The following NLRP12 variants were observed in gnomAD, a reference collection of about 807,000 sequenced individuals.
The protein encoded by NLRP12 is NLR family pyrin domain containing 12, also known as NACHT, LRR and PYD domains-containing protein 12.
NLRP12 carries 108 observed loss-of-function variants against 91.2 expected under a neutral mutation model. That is an observed-to-expected ratio of 1.18 (90% CI 1.01 to 1.39). The LOEUF (loss-of-function observed/expected upper bound fraction) is 1.39. Ranked by LOEUF, NLRP12 falls within the 40% of genes most tolerant of loss-of-function variation. NLRP12 has a pLI of 0.00. For synonymous variants in NLRP12, 613 were observed against 566.7 expected, an observed-to-expected ratio of 1.08 and a Z score of -1.16; for missense variants, 1,530 against 1,352.7, an observed-to-expected ratio of 1.13 and a Z score of -2.06.
At position 53,811,293 on chromosome 19, in the gene NLRP12, G is replaced by T. The variant is rs776306693; in HGVS notation, c.371-5C>A. On this transcript the variant is annotated splice_region_variant and splice_polypyrimidine_tract_variant and intron_variant, in intron 2 of 9. Coordinates refer to ENST00000324134, the MANE Select transcript of NLRP12 (RefSeq NM_144687.4). ...CCCTGTAGGTTTCCTGGGGATCTAG[G>T]GGAGAGGAATGAAGGTTTTGTGGAA... The T allele has an allele frequency of 1.2e-6, 2 of 1,613,534 alleles. No homozygotes were observed. Among genetic ancestry groups the T allele is most frequent in the African/African-American group, 1.3e-5 (1 of 74,890 alleles).
chr19:53,805,535 T>C (rs2091945454), intron 4 of NLRP12, 85 bp from the exon 5 acceptor site: 2 of 1,481,826 alleles, frequency 1.3e-6, no homozygotes, highest in Middle Eastern at 2.2e-4. Context: ...TTTTTTTTTT[T>C]CTGAGACAGA....
rs766035651 is a variant in NLRP12 at position 53,810,537 on chromosome 19, G to T, written c.1122C>A (p.Phe374Leu). ...GCTCTGCATTGTGGAAATACTTGTAGAAGTATTCCTTCCTTTCTGCCTCAG... is the reference window on the plus strand; with the variant it reads ...GCTCTGCATTGTGGAAATACTTGTATAAGTATTCCTTCCTTTCTGCCTCAG... The part of the protein sequence containing the change: ...GFSEAERKEY[F>L]YKYFHNAEQA... Residue 374 changes from phenylalanine to leucine, a missense_variant, in exon 3 of 10, where the codon TTC (phenylalanine) becomes TTA (leucine). Phe to Leu is a conservative substitution (Grantham distance 22). Transcript: ENST00000324134. 1.9e-6 allele frequency: 3 copies of T among 1,614,116 alleles called. No individual in the cohort carries two copies. The East Asian group carries it at 6.7e-5, about 36-fold the overall frequency.
chr19:53,807,376 CTTT>C (rs1300623330), intron 4 of NLRP12, 116 bp downstream of exon 4: 4 of 1,066,878 alleles, frequency 3.7e-6, no homozygotes, highest in Admixed American at 4.5e-5. Context: ...CTTTGTGACA[CTTT>C]TTTATGGCAG....
At chr19:53,796,420 TG>T (rs2091761574) in intron 8 of NLRP12, among the ~76,000 whole-genome samples, 1 of 78,246 alleles carries the variant, frequency 1.3e-5, no homozygotes, top group East Asian at 2.7e-4. Flanking sequence ...CCCAACTAAT[TG>T]TTGTATTAGT....
chr19:53,810,821 G>C lies in NLRP12; in HGVS notation c.838C>G (p.Gln280Glu), dbSNP rs145049569. 6.2e-6 allele frequency: 10 copies of C among 1,614,024 alleles called. No individual in the cohort carries two copies. The highest frequency in any genetic ancestry group is 4.0e-5 in the African/African-American group (3 of 74,950). ...SCWPEPSAPL[Q>E]ELIRVPERLL... The stretch of plus-strand genomic sequence containing the variant: ...CGCTCGGGAACTCGGATGAGCTCCT[G>C]GAGAGGCGCGCTGGGCTCAGGCCAG... Residue 280 changes from glutamine to glutamate, a missense_variant, in exon 3 of 10, where the codon CAG becomes GAG. Transcript: ENST00000324134.
intron 7 of NLRP12, among the ~76,000 whole-genome samples, chr19:53,800,922 C>T (rs1368530086): frequency 6.6e-6 from 1 of 151,912 alleles, no homozygotes; most frequent in East Asian, 1.9e-4. Context: ...AGGCTGGGTG[C>T]AGTGGCTCAA....
intron 9 of NLRP12, 28 bp downstream of exon 9, chr19:53,795,831 C>T (rs760236504): frequency 3.7e-6 from 6 of 1,611,842 alleles, no homozygotes; most frequent in Non-Finnish European, 5.1e-6. Flanking sequence ...CCAGCCTCCT[C>T]CAGAAAGAAC....
intron 6 of NLRP12, 73 bp downstream of exon 6, chr19:53,803,879 A>C: frequency 6.8e-7 from 1 of 1,476,032 alleles, no homozygotes; most frequent in Admixed American, 1.7e-5. Flanking sequence ...CGACCTGTGG[A>C]TGCATTTTTA....
intron 3 of NLRP12, 55 bp downstream of exon 3, chr19:53,809,532 A>AAAAAAC: frequency 7.1e-7 from 1 of 1,399,042 alleles, no homozygotes; most frequent in Non-Finnish European, 9.6e-7. Flanking sequence ...AAAAAAAAAA[A>AAAAAAC]AAAAAAAAAC....
In NLRP12 at chr19:53,810,198, G is replaced by A. The variant is rs555808644; in HGVS notation, c.1461C>T (p.Asp487=). 9 of 1,614,064 alleles carry A rather than the reference G, an allele frequency of 5.6e-6. No homozygotes were observed. The highest frequency in any genetic ancestry group is 4.0e-5 in the African/African-American group (3 of 74,936). ...TGAGGAAGGCAGAGACGTCTTCCCC[G>A]TCTAGGCCGTGCTTCCGGAGGTCCT... The part of the protein sequence containing the change: ...EEQDLRKHGL[D]GEDVSAFLNM... Residue 487 remains aspartate (D), a synonymous_variant, in exon 3 of 10, where the codon GAC becomes GAT. Coordinates refer to ENST00000324134, the MANE Select transcript of NLRP12 (RefSeq NM_144687.4).
At chr19:53,806,638 G>A (rs1018363136) in intron 4 of NLRP12, among the ~76,000 whole-genome samples, 5 of 129,002 alleles carry the variant, frequency 3.9e-5, no homozygotes, top group Admixed American at 1.0e-4. Context: ...CCGAGATCAC[G>A]CTACTGCACT....
Position 53,824,180 on chromosome 19 carries a change from T to C in NLRP12, c.-6A>G, listed in dbSNP as rs201272274. On this transcript the variant is annotated 5_prime_UTR_variant, in exon 1 of 10. Transcript: ENST00000324134. ...CTGCCTGCGGTTCGTAGCATGGGGG[T>C]GCCGTGAGCCCCAAAGGAGAGGACC... is the stretch of plus-strand genomic sequence containing the variant. 1.7e-5 allele frequency: 27 copies of C among 1,613,454 alleles called. No homozygotes were observed. Among genetic ancestry groups the C allele is most frequent in the Non-Finnish European group, 2.1e-5 (25 of 1,179,970 alleles).
intron 6 of NLRP12, chr19:53,803,604 C>A: frequency 5.6e-6 from 2 of 357,864 alleles, no homozygotes; most frequent in Non-Finnish European, 1.1e-5. Flanking sequence ...GATGGAGTCT[C>A]ACTCTGTCAC....
At chr19:53,794,773 T>A (rs1229617282) in intron 9 of NLRP12, among the ~76,000 whole-genome samples, 1 of 151,474 alleles carries the variant, frequency 6.6e-6, no homozygotes, top group Non-Finnish European at 1.5e-5. Flanking sequence ...TTCAAGCGAT[T>A]CTCCTGCCTT....
At chr19:53,815,118 A>G (rs1013528068) in intron 1 of NLRP12, 130 bp from the exon 2 acceptor site, 1 of 738,176 alleles carries the variant, frequency 1.4e-6, no homozygotes, top group Admixed American at 2.0e-5. Flanking sequence ...TTCAGTAGTG[A>G]CTGCATAGGC....
chr19:53,806,751 G>A (rs988919883), intron 4 of NLRP12, among the ~76,000 whole-genome samples: 5 of 146,364 alleles, frequency 3.4e-5, no homozygotes, highest in Admixed American at 6.9e-5. Context: ...CCAGCTACTC[G>A]TGATGCTGGA....
At chr19:53,803,105 C>T (rs911901948) in intron 6 of NLRP12, among the ~76,000 whole-genome samples, 1 of 152,078 alleles carries the variant, frequency 6.6e-6, no homozygotes, top group African/African-American at 2.4e-5. Flanking sequence ...AACCCGTGGA[C>T]ACAGAGGGCT....
chr19:53,818,218 G>C (rs541473997), intron 1 of NLRP12, among the ~76,000 whole-genome samples: 75 of 151,900 alleles, frequency 4.9e-4, no homozygotes, highest in Non-Finnish European at 9.4e-4. Context: ...CAGGTAGCTG[G>C]GTCTGCAGGC....
downstream of NLRP12, chr19:53,793,679 G>T (rs2091692069): frequency 9.3e-6 from 3 of 322,792 alleles, no homozygotes; most frequent in South Asian, 8.6e-5. Flanking sequence ...CCACCTCCCG[G>T]GTTCAAGCGA....
Sources: allele counts gnomAD v4.1 joint callset (sites outside exome capture counted in the v4.1 genomes callset), GRCh38; gene constraint gnomAD v4.1.1; transcripts MANE v1.5; gene names NCBI Gene and HGNC (gene_info 2026-07-23, HGNC 2026-07-21).